PKP2: variants seen among roughly 807,000 people sequenced by gnomAD.
The protein encoded by PKP2 is plakophilin 2.
In PKP2, 73 loss-of-function variants were observed where a neutral mutation model predicts 83.4. That is an observed-to-expected ratio of 0.88 (90% CI 0.72 to 1.06). The LOEUF (loss-of-function observed/expected upper bound fraction) is 1.06, where lower values mean the gene tolerates loss of function less well. Ranked by LOEUF, PKP2 falls within the 50% of genes least tolerant of loss-of-function variation. The probability of loss-of-function intolerance (pLI) is 0.00; values close to 1 mark genes in which losing one functional copy is unlikely to be tolerated. For missense variants in PKP2, 966 were observed against 1,065.4 expected (o/e 0.91, Z 1.30); for synonymous variants, 409 against 430.4 (o/e 0.95, Z 0.62).
intron 9 of PKP2, among the ~76,000 whole-genome samples, chr12:32,816,980 T>C (rs1299579560): frequency 6.6e-6 from 1 of 152,208 alleles, no homozygotes; most frequent in African/African-American, 2.4e-5. Context: ...TTACAGATTC[T>C]GGATTTAAAC....
chr12:32,842,391 C>T (rs771133459), intron 5 of PKP2, among the ~76,000 whole-genome samples: 12 of 151,904 alleles, frequency 7.9e-5, no homozygotes, highest in Non-Finnish European at 7.4e-5. Context: ...TACAGGCGCC[C>T]GCCACCATGC....
chr12:32,821,250 A>G (rs1956372384), intron 9 of PKP2, 106 bp downstream of exon 9: 2 of 1,079,006 alleles, frequency 1.9e-6, no homozygotes, highest in Non-Finnish European at 2.8e-6. Context: ...CTTTACTAAA[A>G]TAAGAAACCT....
intron 4 of PKP2, among the ~76,000 whole-genome samples, chr12:32,864,762 AC>A (rs372367072): frequency 1.8e-4 from 27 of 152,304 alleles, no homozygotes; most frequent in African/African-American, 6.3e-4. Flanking sequence ...AACATTACCT[AC>A]TTTTGAGACT....
At position 32,878,395 on chromosome 12, in the gene PKP2, G is replaced by A. The variant is rs759687672; in HGVS notation, c.485C>T (p.Thr162Met). 34 of 1,613,922 alleles carry A rather than the reference G, an allele frequency of 2.1e-5. No homozygotes were observed. The highest frequency in any genetic ancestry group is 2.3e-5 in the Non-Finnish European group (27 of 1,179,940). ...PDSSPERAHYTHSDYQYSQRS... is the reference protein window; with the variant it reads ...PDSSPERAHYMHSDYQYSQRS... ...CTGGCTGTACTGGTAATCGCTGTGC[G>A]TGTAGTGAGCCCTCTCCGGGCTGCT... Residue 162 changes from threonine to methionine, a missense_variant, in exon 3 of 13, where the codon ACG becomes ATG. Physicochemically the swap from Thr to Met is moderately conservative, Grantham distance 81. Transcript: ENST00000340811.
intron 5 of PKP2, among the ~76,000 whole-genome samples, chr12:32,846,284 G>A (rs757182798): frequency 1.3e-5 from 2 of 152,024 alleles, no homozygotes; most frequent in African/African-American, 2.4e-5. Flanking sequence ...TTTCAATTAC[G>A]GGAACACTAC....
intron 5 of PKP2, 48 bp downstream of exon 5, chr12:32,850,718 G>T: frequency 7.1e-7 from 1 of 1,415,686 alleles, no homozygotes; most frequent in Non-Finnish European, 1.0e-6. Flanking sequence ...TAAGGCATCT[G>T]GCTGGGGTGC....
At position 32,893,941 on chromosome 12, in the gene PKP2, T is replaced by A. The variant is rs527340492; in HGVS notation, c.223+2568A>T. On this transcript the variant is annotated intron_variant, in intron 1 of 12. Coordinates refer to ENST00000340811, the MANE Select transcript of PKP2 (RefSeq NM_001005242.3). ...TTTTTTTTTTTTTTTTTTTTTGAGA[T>A]GGCGTTTCGCTCTTGTTGCTCAGGC... The A allele has an allele frequency of 4.7e-5, 6 of 127,372 alleles. No homozygotes were observed. The South Asian group carries it at 1.6e-3, about 34-fold the overall frequency. 7.9% of individuals were successfully genotyped at this position (127,372 alleles called of 1,614,324 possible).
intron 9 of PKP2, among the ~76,000 whole-genome samples, chr12:32,817,065 T>C (rs553677065): frequency 6.6e-6 from 1 of 152,344 alleles, no homozygotes; most frequent in South Asian, 2.1e-4. Flanking sequence ...GATAGTTTAT[T>C]TTGCTGTGCA....
intron 6 of PKP2, among the ~76,000 whole-genome samples, chr12:32,825,592 C>T (rs1019214471): frequency 2.6e-5 from 4 of 152,130 alleles, no homozygotes; most frequent in Non-Finnish European, 5.9e-5. Flanking sequence ...ATTTTTGAGC[C>T]TTACTTTCTT....
rs1956261569 is a variant in PKP2, at chr12:32,809,816, T to TG, written c.2014-7261dup. Among the ~76,000 whole-genome samples, 3 of 151,986 alleles carry TG rather than the reference T, an allele frequency of 2.0e-5. No homozygotes were observed. In the East Asian group the frequency reaches 5.8e-4, roughly 29 times the overall value. On this transcript the variant is annotated intron_variant, in intron 9 of 12. Transcript: ENST00000340811. ...GGTCACCGCTTCCCTTTGCTGGGGG[T>TG]GGGGGTTCCTTTGGCTCCGTGAGGC...
chr12:32,894,795 T>C (rs1461983792), intron 1 of PKP2: 4 of 152,218 alleles, frequency 2.6e-5, no homozygotes, highest in Non-Finnish European at 5.9e-5. Context: ...GCACAGAGAA[T>C]GAATGGGTGT....
intron 3 of PKP2, among the ~76,000 whole-genome samples, chr12:32,876,127 A>G (rs1305924157): frequency 6.6e-6 from 1 of 152,112 alleles, no homozygotes; most frequent in Non-Finnish European, 1.5e-5. Context: ...GGGATGAGAG[A>G]ATTTCATGGT....
intron 1 of PKP2, among the ~76,000 whole-genome samples, chr12:32,883,911 C>A (rs1027393320): frequency 6.6e-6 from 1 of 152,192 alleles, no homozygotes; most frequent in Non-Finnish European, 1.5e-5. Flanking sequence ...AAGCAGCAGG[C>A]GCAGGAAGTG....
intron 5 of PKP2, among the ~76,000 whole-genome samples, chr12:32,845,057 T>C (rs146986151): frequency 1.4e-3 from 207 of 152,304 alleles, no homozygotes; most frequent in Non-Finnish European, 2.2e-3. Flanking sequence ...AGATGGTCTG[T>C]CTGCCTGTAA....
At chr12:32,858,707 A>G (rs1268665317) in intron 4 of PKP2, among the ~76,000 whole-genome samples, 1 of 152,272 alleles carries the variant, frequency 6.6e-6, no homozygotes, top group Non-Finnish European at 1.5e-5. Context: ...TATTTGCCAC[A>G]TATGTAACAA....
At chr12:32,855,913 T>C (rs1159895037) in intron 4 of PKP2, among the ~76,000 whole-genome samples, 1 of 152,098 alleles carries the variant, frequency 6.6e-6, no homozygotes, top group Non-Finnish European at 1.5e-5. Context: ...ATTTTCTATG[T>C]TTTCAAATAA....
chr12:32,889,718 C>T (rs186744374), intron 1 of PKP2, among the ~76,000 whole-genome samples: 10 of 152,292 alleles, frequency 6.6e-5, no homozygotes, highest in Admixed American at 6.5e-4. Flanking sequence ...CGACTGTTCT[C>T]TGTCATTCTG....
Position 32,878,605 on chromosome 12 carries a change from C to CTAAT in PKP2, c.337-66_337-63dup, listed in dbSNP as rs907854237. 11 of 1,307,100 alleles carry CTAAT rather than the reference C, an allele frequency of 8.4e-6. No homozygotes were observed. The African/African-American group carries it at 1.0e-4, about 12-fold the overall frequency. The allele number at this position is 1,307,100 out of a possible 1,614,324, so 81.0% of individuals were successfully genotyped here. A position where few individuals can be genotyped will look rare whatever the true frequency, so the allele number is the denominator to read the frequency against. The stretch of plus-strand genomic sequence containing the variant: ...AATCAAATTTCAACTTTGCTGAGGA[C>CTAAT]TAATTACTCTGGGACTATTACCCAA... On this transcript the variant is annotated intron_variant, in intron 2 of 12. Coordinates refer to ENST00000340811, the MANE Select transcript of PKP2 (RefSeq NM_001005242.3).
At chr12:32,880,410 A>G (rs917263732) in intron 1 of PKP2, among the ~76,000 whole-genome samples, 1 of 152,196 alleles carries the variant, frequency 6.6e-6, no homozygotes, top group Non-Finnish European at 1.5e-5. Flanking sequence ...CAAAAAAACA[A>G]AAACAAAAGC....
Sources: allele counts gnomAD v4.1 joint callset (sites outside exome capture counted in the v4.1 genomes callset), GRCh38; gene constraint gnomAD v4.1.1; transcripts MANE v1.5; gene names NCBI Gene and HGNC (gene_info 2026-07-23, HGNC 2026-07-21).